The following ST7L variants were observed in gnomAD, a reference collection of about 807,000 sequenced individuals.
ST7L encodes the protein suppressor of tumorigenicity 7 protein-like.
A neutral mutation model predicts 72.5 loss-of-function variants in ST7L; 57 were observed. The observed-to-expected ratio is 0.79, with a 90% CI of 0.64 to 0.98. The LOEUF (loss-of-function observed/expected upper bound fraction) is 0.98. Among genes scored for constraint, ST7L ranks in the 50% least tolerant of loss-of-function variants. ST7L has a pLI of 0.00. For missense variants in ST7L, 576 were observed against 672.2 expected, an observed-to-expected ratio of 0.86 and a Z score of 1.58; for synonymous variants, 221 against 240.9, an observed-to-expected ratio of 0.92 and a Z score of 0.77.
chr1:112,520,907 G>A, downstream of ST7L: 1 of 188,142 alleles, frequency 5.3e-6, no homozygotes, highest in Non-Finnish European at 1.1e-5. Context: ...TTTCTACCTG[G>A]CCAAAGTTAG....
At chr1:112,584,815 A>G (rs12137107) in intron 6 of ST7L, among the ~76,000 whole-genome samples, 33,118 of 151,986 alleles carry the variant, frequency 0.22, 3,794 homozygotes, top group Middle Eastern at 0.26. Flanking sequence ...GTCGCTATAT[A>G]ATTTATGACA....
intron 2 of ST7L, among the ~76,000 whole-genome samples, chr1:112,612,378 G>A (rs1299433108): frequency 1.3e-5 from 2 of 152,118 alleles, no homozygotes; most frequent in African/African-American, 4.8e-5. Flanking sequence ...GATTATGGGT[G>A]TAAGCTACCA....
intron 1 of ST7L, 188 bp downstream of exon 1, chr1:112,618,721 C>G: frequency 7.9e-7 from 1 of 1,264,418 alleles, no homozygotes; most frequent in Non-Finnish European, 1.1e-6. Context: ...ACGGAGGAGC[C>G]GGTAACGGCA....
rs777969643 is a variant in ST7L, at chr1:112,565,211, A to ATTT, written c.1246-9196_1246-9194dup. Among the ~76,000 whole-genome samples the ATTT allele has an allele frequency of 5.6e-3, 326 of 57,930 alleles. 36 individuals are homozygous for ATTT. The highest frequency in any genetic ancestry group is 0.02 in the African/African-American group (237 of 11,636). 38.0% of individuals were successfully genotyped at this position (57,930 alleles called of 152,430 possible). A position where few individuals can be genotyped will look rare whatever the true frequency, so the allele number is the denominator to read the frequency against. ...AGGCGCCCACCACCATGTTCGGCTA[A>ATTT]TTTTTTTTTTTTTTTTTTTTTTTTT... is the stretch of plus-strand genomic sequence containing the variant. On this transcript the variant is annotated intron_variant, in intron 11 of 14. Coordinates refer to ENST00000358039, the MANE Select transcript of ST7L (RefSeq NM_017744.5).
intron 5 of ST7L, among the ~76,000 whole-genome samples, chr1:112,593,964 C>T (rs749217650): frequency 3.9e-5 from 6 of 152,150 alleles, no homozygotes; most frequent in Non-Finnish European, 7.4e-5. Flanking sequence ...CACAGATACA[C>T]TCTGTCCTCC....
chr1:112,571,839 T>A (rs1298631239), intron 11 of ST7L, among the ~76,000 whole-genome samples: 1 of 152,152 alleles, frequency 6.6e-6, no homozygotes, highest in African/African-American at 2.4e-5. Context: ...AAAGCAAATA[T>A]CAAAATAAAG....
chr1:112,555,806 C>A (rs1410190762), intron 12 of ST7L, 62 bp downstream of exon 12: 3 of 1,342,506 alleles, frequency 2.2e-6, no homozygotes, highest in Non-Finnish European at 2.9e-6. Flanking sequence ...TTTAAAAAGA[C>A]TGCCTGTGAA....
intron 6 of ST7L, among the ~76,000 whole-genome samples, 161 bp from the exon 7 acceptor site, chr1:112,584,287 T>C (rs182639701): frequency 1.2e-4 from 19 of 152,256 alleles, no homozygotes; most frequent in Admixed American, 7.9e-4. Flanking sequence ...TAGGGGCACA[T>C]TGGTATATTC....
chr1:112,588,664 C>T (rs1218176358), intron 6 of ST7L, among the ~76,000 whole-genome samples: 3 of 152,104 alleles, frequency 2.0e-5, no homozygotes, highest in Admixed American at 6.6e-5. Flanking sequence ...TGGTTTCTTT[C>T]TTCATTCTAT....
rs531155452 is a variant in ST7L at position 112,550,755 on chromosome 1, A to G, written c.1397-62T>C. ...GTCTCATTTACCATCCTATATTTGG[A>G]GACAAATTTATATAGAAATTTCACA... On this transcript the variant is annotated intron_variant, in intron 12 of 14. Coordinates refer to ENST00000358039, the MANE Select transcript of ST7L (RefSeq NM_017744.5). 43 of 1,334,130 alleles carry G rather than the reference A, an allele frequency of 3.2e-5. No homozygotes were observed. The East Asian group carries it at 9.4e-4, about 29-fold the overall frequency. 82.6% of individuals were successfully genotyped at this position (1,334,130 alleles called of 1,614,324 possible).
chr1:112,593,044 C>T (rs917445774), intron 5 of ST7L, among the ~76,000 whole-genome samples: 1 of 152,098 alleles, frequency 6.6e-6, no homozygotes, highest in African/African-American at 2.4e-5. Context: ...TATAATCAGT[C>T]TTTGCTAATT....
At chr1:112,585,377 T>C (rs1464124160) in intron 6 of ST7L, among the ~76,000 whole-genome samples, 1 of 152,206 alleles carries the variant, frequency 6.6e-6, no homozygotes, top group Non-Finnish European at 1.5e-5. Context: ...ACAACGAATT[T>C]TGAAGACTTA....
At chr1:112,615,140 T>C (rs1669663694) in intron 2 of ST7L, among the ~76,000 whole-genome samples, 1 of 151,968 alleles carries the variant, frequency 6.6e-6, no homozygotes, top group Non-Finnish European at 1.5e-5. Context: ...GCTGGGACTA[T>C]AGGTGCGCCA....
At chr1:112,522,967 A>G (rs1652961551), downstream of ST7L, 1 of 152,248 alleles carries the variant, frequency 6.6e-6, no homozygotes. Context: ...GGTCATGGTC[A>G]GTCTGAACTC....
chr1:112,599,059 C>CAAA (rs761424885), intron 4 of ST7L, among the ~76,000 whole-genome samples: 438 of 5,172 alleles, frequency 0.085, 84 homozygotes, highest in South Asian at 0.17. Flanking sequence ...GACTCAGCCT[C>CAAA]AAAAAAAAAA....
chr1:112,586,370 G>A (rs1664871401), intron 6 of ST7L, among the ~76,000 whole-genome samples: 1 of 152,132 alleles, frequency 6.6e-6, no homozygotes, highest in South Asian at 2.1e-4. Context: ...AAGGCCAGGA[G>A]TTTGAGGTTA....
chr1:112,609,438 G>A (rs1234991571), intron 3 of ST7L, among the ~76,000 whole-genome samples: 1 of 151,998 alleles, frequency 6.6e-6, no homozygotes, highest in Non-Finnish European at 1.5e-5. Context: ...GGCTGAGGAA[G>A]GAGAATCACT....
chr1:112,527,594 G>A (rs1557934506), intron 14 of ST7L: 1 of 152,672 alleles, frequency 6.5e-6, no homozygotes, highest in Non-Finnish European at 1.5e-5. Flanking sequence ...AGTGTTGAAT[G>A]AGCTGCTGAT....
chr1:112,571,483 ATGGCATGATCTTGGCTCAC>A (rs1662139953), intron 11 of ST7L: 1 of 263,886 alleles, frequency 3.8e-6, no homozygotes, highest in Non-Finnish European at 7.4e-6. Flanking sequence ...GCAGAGTACA[ATGGCATGATCTTGGCTCAC>A]TGCAACCTCC....
Sources: gnomAD v4.1 joint callset for allele counts (sites outside exome capture counted in the v4.1 genomes callset) on GRCh38, gnomAD v4.1.1 for gene constraint, MANE v1.5 for transcripts, NCBI Gene and HGNC (gene_info 2026-07-23, HGNC 2026-07-21) for gene names.